PPP1R9A: variants seen among roughly 807,000 people sequenced by gnomAD.
The protein encoded by PPP1R9A is neurabin-1.
In PPP1R9A, 59 loss-of-function variants were observed where a neutral mutation model predicts 141.9. That is an observed-to-expected ratio of 0.42 (90% CI 0.34 to 0.52). PPP1R9A has a LOEUF of 0.52. Among genes scored for constraint, PPP1R9A ranks in the 20% least tolerant of loss-of-function variants. PPP1R9A has a pLI of 0.10. For synonymous variants in PPP1R9A, 500 were observed against 569.7 expected, an observed-to-expected ratio of 0.88 and a Z score of 1.74; for missense variants, 1,444 against 1,611.9, an observed-to-expected ratio of 0.90 and a Z score of 1.78.
intron 14 of PPP1R9A, among the ~76,000 whole-genome samples, chr7:95,273,619 T>C (rs142428128): frequency 6.6e-6 from 1 of 152,268 alleles, no homozygotes; most frequent in Non-Finnish European, 1.5e-5. Context: ...ATGCAGAGGA[T>C]GATTTGAGAG....
chr7:95,249,762 G>A (rs908347436), intron 9 of PPP1R9A, among the ~76,000 whole-genome samples: 4 of 152,086 alleles, frequency 2.6e-5, no homozygotes, highest in East Asian at 1.9e-4. Flanking sequence ...ATCACCTGGT[G>A]TGATGGAAAT....
rs754563368 is a variant in PPP1R9A at position 95,252,091 on chromosome 7, G to A, written c.2626G>A (p.Asp876Asn). ...VSKGDTMENL[D>N]GKQTSCQDGL... ...TAAAGGGGATACCATGGAGAACTTG[G>A]ATGGCAAGCAGACATCTTGCCAAGA... is the stretch of plus-strand genomic sequence containing the variant. The change falls in exon 12 of 20, where the codon GAT (aspartate) becomes AAT (asparagine). Residue 876 changes from aspartate to asparagine, a missense_variant. Physicochemically the swap from Asp to Asn is conservative, Grantham distance 23 (BLOSUM62 1). Around this residue, in one of 5 missense-constraint regions of PPP1R9A, gnomAD observed 488 missense variants for 542.0 expected, o/e 0.90. Transcript: ENST00000433360. The A allele has an allele frequency of 1.2e-6, 2 of 1,606,090 alleles. No individual in the cohort carries two copies. The highest frequency in any genetic ancestry group is 1.7e-6 in the Non-Finnish European group (2 of 1,177,914).
intron 5 of PPP1R9A, among the ~76,000 whole-genome samples, chr7:95,188,605 T>TG (rs1554550003): frequency 1.5e-5 from 2 of 134,758 alleles, no homozygotes; most frequent in African/African-American, 5.6e-5. Flanking sequence ...GTTTTGTTTT[T>TG]TTTTTTTTTT....
intron 5 of PPP1R9A, among the ~76,000 whole-genome samples, chr7:95,164,741 C>CTTTTTTTTTTTTTTTTTTTTT (rs200177321): frequency 7.6e-5 from 5 of 66,126 alleles, no homozygotes; most frequent in Non-Finnish European, 1.1e-4. Flanking sequence ...CTTTTCTTTT[C>CTTTTTTTTTTTTTTTTTTTTT]TTTTTTTTTT....
At chr7:94,916,453 T>C (rs1584193832) in intron 2 of PPP1R9A, among the ~76,000 whole-genome samples, 2 of 152,240 alleles carry the variant, frequency 1.3e-5, no homozygotes, top group Admixed American at 6.5e-5. Flanking sequence ...GGAAGCAACA[T>C]GTAATAAATT....
chr7:95,091,586 TG>T (rs928117194), intron 2 of PPP1R9A, among the ~76,000 whole-genome samples: 2 of 151,822 alleles, frequency 1.3e-5, no homozygotes, highest in Non-Finnish European at 2.9e-5. Context: ...TCAAGTGATC[TG>T]CCCGTCTTGG....
intron 4 of PPP1R9A, among the ~76,000 whole-genome samples, chr7:95,134,169 G>C (rs1047880938): frequency 6.6e-6 from 1 of 152,098 alleles, no homozygotes; most frequent in Non-Finnish European, 1.5e-5. Context: ...TCCTTTGCAG[G>C]GACATGGATG....
intron 2 of PPP1R9A, among the ~76,000 whole-genome samples, chr7:95,001,321 C>T (rs567721124): frequency 8.5e-5 from 13 of 152,194 alleles, no homozygotes; most frequent in South Asian, 6.2e-4. Flanking sequence ...TAGCAAAAAA[C>T]GCTTTGTGTT....
chr7:95,138,133 C>T (rs1332465676), intron 4 of PPP1R9A, among the ~76,000 whole-genome samples: 8 of 151,872 alleles, frequency 5.3e-5, no homozygotes, highest in South Asian at 2.1e-4. Flanking sequence ...GGGGTTTCAC[C>T]GTATTAGCCA....
chr7:94,920,168 A>G (rs937717246), intron 2 of PPP1R9A, among the ~76,000 whole-genome samples: 2 of 152,186 alleles, frequency 1.3e-5, no homozygotes, highest in Non-Finnish European at 2.9e-5. Context: ...TGGGAGCACA[A>G]TTTTATAGAG....
chr7:95,113,146 T>A (rs1226309319), intron 3 of PPP1R9A, among the ~76,000 whole-genome samples: 1 of 152,016 alleles, frequency 6.6e-6, no homozygotes, highest in African/African-American at 2.4e-5. Context: ...AAATGAAAAA[T>A]TTCACCGGAA....
intron 2 of PPP1R9A, among the ~76,000 whole-genome samples, chr7:95,090,756 T>C (rs6977114): frequency 0.66 from 100,725 of 151,646 alleles, 34,352 homozygotes; most frequent in African/African-American, 0.81. Context: ...TACAGTAAGC[T>C]GAGATCACCC....
chr7:95,197,515 A>C (rs1836456684), intron 5 of PPP1R9A, among the ~76,000 whole-genome samples: 1 of 152,176 alleles, frequency 6.6e-6, no homozygotes, highest in Non-Finnish European at 1.5e-5. Flanking sequence ...CCCCCAAAGG[A>C]AGTGAATTAA....
chr7:95,191,921 A>G lies in PPP1R9A; in HGVS notation c.1755-6428A>G, dbSNP rs17166698. The stretch of plus-strand genomic sequence containing the variant: ...CATGTTGTCAGTTCAGTTTCAGACA[A>G]TGTATAAGATATGAATCATAGTTGT... On this transcript the variant is annotated intron_variant, in intron 5 of 19. Coordinates refer to ENST00000433360, the MANE Select transcript of PPP1R9A (RefSeq NM_001166160.2). 7.5e-4 allele frequency among the ~76,000 whole-genome samples: 114 copies of G among 152,214 alleles called. 1 individual carries two copies. In the East Asian group the frequency reaches 0.019, roughly 25 times the overall value.
chr7:95,226,679 C>T (rs942331192), intron 8 of PPP1R9A, among the ~76,000 whole-genome samples: 1 of 152,124 alleles, frequency 6.6e-6, no homozygotes, highest in Non-Finnish European at 1.5e-5. Flanking sequence ...AAGCTGCATC[C>T]TTGGGGCAAG....
At chr7:95,031,391 A>G (rs1177681712) in intron 2 of PPP1R9A, among the ~76,000 whole-genome samples, 1 of 152,192 alleles carries the variant, frequency 6.6e-6, no homozygotes, top group East Asian at 1.9e-4. Flanking sequence ...ATCCTTTCAT[A>G]AAGTGATAAT....
intron 2 of PPP1R9A, among the ~76,000 whole-genome samples, chr7:95,033,026 A>G (rs1807899347): frequency 6.6e-6 from 1 of 151,862 alleles, no homozygotes; most frequent in African/African-American, 2.4e-5. Context: ...TTATTTTGAG[A>G]CAGAGTCTTG....
intron 2 of PPP1R9A, among the ~76,000 whole-genome samples, chr7:94,917,572 T>C (rs1370914592): frequency 7.2e-6 from 1 of 138,736 alleles, no homozygotes; most frequent in Non-Finnish European, 1.6e-5. Flanking sequence ...ATGCCTGTTA[T>C]TATTTTTTTT....
chr7:95,239,736 T>G (rs1434119232), intron 8 of PPP1R9A, among the ~76,000 whole-genome samples: 1 of 151,830 alleles, frequency 6.6e-6, no homozygotes, highest in African/African-American at 2.4e-5. Flanking sequence ...TTTAAGTTTT[T>G]GAAAAGTGTT....
Sources: allele counts gnomAD v4.1 joint callset (sites outside exome capture counted in the v4.1 genomes callset), GRCh38; gene constraint gnomAD v4.1.1; regional missense constraint gnomAD v4.1.1; transcripts MANE v1.5; gene names NCBI Gene and HGNC (gene_info 2026-07-23, HGNC 2026-07-21).